Variants in GPR180 observed in about 807,000 individuals in gnomAD.
GPR180 encodes G protein-coupled receptor 180.
Under a neutral mutation model 52.6 loss-of-function variants are expected in GPR180, and 53 were observed. The observed-to-expected ratio is 1.01, with a 90% CI of 0.81 to 1.27. GPR180 has a LOEUF of 1.27. GPR180 is among the 50% of genes most tolerant of loss of function. The probability of loss-of-function intolerance (pLI) is 0.00; values close to 1 mark genes in which losing one functional copy is unlikely to be tolerated. For synonymous variants in GPR180, 200 were observed against 193.1 expected, an observed-to-expected ratio of 1.04 and a Z score of -0.30; for missense variants, 533 against 527.0, an observed-to-expected ratio of 1.01 and a Z score of -0.11.
intron 3 of GPR180, 58 bp downstream of exon 3, chr13:94,612,448 A>T (rs778613375): frequency 8.1e-5 from 101 of 1,244,962 alleles, no homozygotes; most frequent in Non-Finnish European, 1.1e-4. Context: ...GTACAAATAT[A>T]TTCATGTTGT....
At chr13:94,625,315 T>G (rs1162940840) in intron 7 of GPR180, among the ~76,000 whole-genome samples, 1 of 152,194 alleles carries the variant, frequency 6.6e-6, no homozygotes, top group East Asian at 1.9e-4. Context: ...TTCCTTTCAT[T>G]TTTATACAAA....
intron 7 of GPR180, among the ~76,000 whole-genome samples, chr13:94,624,305 C>G (rs945278772): frequency 6.6e-6 from 1 of 152,192 alleles, no homozygotes; most frequent in African/African-American, 2.4e-5. Context: ...TTCAGGCAGC[C>G]CACCTTGTCC....
chr13:94,616,868 A>T (rs549243142), intron 3 of GPR180, among the ~76,000 whole-genome samples: 3 of 152,230 alleles, frequency 2.0e-5, no homozygotes. Context: ...GTTTAAAAGA[A>T]CACTGAGTGC....
intron 2 of GPR180, among the ~76,000 whole-genome samples, chr13:94,609,445 T>C (rs1320427033): frequency 1.3e-5 from 2 of 152,196 alleles, no homozygotes; most frequent in Non-Finnish European, 2.9e-5. Context: ...GGTATCACTT[T>C]ATGAAGCATA....
At chr13:94,612,094 TAA>T (rs964137389) in intron 2 of GPR180, 94 bp from the exon 3 acceptor site, 2 of 925,810 alleles carry the variant, frequency 2.2e-6, no homozygotes, top group African/African-American at 1.7e-5. Flanking sequence ...CAATAAAAAT[TAA>T]AAGATTGTCC....
Position 94,612,341 on chromosome 13 carries a change from C to T in GPR180, c.456C>T (p.Asn152=). ...TCCCATTTGAAATGGTGTTACTAAACCCAGATGCCGAAGGGAATCCATTTG... is the reference window on the plus strand; with the variant it reads ...TCCCATTTGAAATGGTGTTACTAAATCCAGATGCCGAAGGGAATCCATTTG... ...EDIPFEMVLL[N]PDAEGNPFDH... The change falls in exon 3 of 9, where the codon AAC becomes AAT. Residue 152 remains asparagine (N), a synonymous_variant. Coordinates refer to ENST00000376958, the MANE Select transcript of GPR180 (RefSeq NM_180989.6). The T allele has an allele frequency of 1.2e-6, 2 of 1,613,630 alleles. No homozygotes were observed. The highest frequency in any genetic ancestry group is 1.7e-6 in the Non-Finnish European group (2 of 1,179,600).
chr13:94,623,290 C>T lies in GPR180; in HGVS notation c.1076C>T (p.Thr359Ile). 6.2e-7 allele frequency: 1 copy of T among 1,610,842 alleles called. No individual in the cohort carries two copies. Among genetic ancestry groups the T allele is most frequent in the Non-Finnish European group, 8.5e-7 (1 of 1,178,040 alleles). Residue 359 changes from threonine to isoleucine, a missense_variant, in exon 7 of 9, where the codon ACA becomes ATA. Transcript: ENST00000376958. ...RSTLKREFYI[T>I]FAKGCILWFL... is the part of the protein sequence containing the mutation. ...ACACTCAAAAGGGAGTTCTACATCA[C>T]ATTTGCCAAAGTATGGGTTTGGAAA...
intron 1 of GPR180, among the ~76,000 whole-genome samples, chr13:94,603,055 T>C (rs970524609): frequency 6.7e-6 from 1 of 149,868 alleles, no homozygotes; most frequent in Non-Finnish European, 1.5e-5. Context: ...AATTACAGAA[T>C]TGACAGAATA....
intron 5 of GPR180, among the ~76,000 whole-genome samples, chr13:94,620,701 C>T (rs1351938393): frequency 1.3e-5 from 2 of 152,006 alleles, no homozygotes; most frequent in African/African-American, 4.8e-5. Flanking sequence ...TTGCAGAAAT[C>T]GTATTTAGAA....
chr13:94,627,466 T>C lies in GPR180; in HGVS notation c.*295T>C. 2.9e-6 allele frequency: 1 copy of C among 340,556 alleles called. No individual in the cohort carries two copies. Among genetic ancestry groups the C allele is most frequent in the East Asian group, 7.8e-5 (1 of 12,854 alleles). 21.1% of individuals were successfully genotyped at this position (340,556 alleles called of 1,614,324 possible). A position where few individuals can be genotyped will look rare whatever the true frequency, so the allele number is the denominator to read the frequency against. ...ATAACTATGATATTTTGGTAAAATA[T>C]TCACCACTTATAATGCCTCATCTTA... On this transcript the variant is annotated 3_prime_UTR_variant, in exon 9 of 9. Transcript: ENST00000376958.
chr13:94,618,699 G>T (rs1319475435), intron 3 of GPR180, among the ~76,000 whole-genome samples: 7 of 152,054 alleles, frequency 4.6e-5, no homozygotes, highest in Non-Finnish European at 1.5e-5. Context: ...TGGTGATGCT[G>T]CTGGGCAAGA....
At chr13:94,604,666 C>T (rs1007210762) in intron 1 of GPR180, among the ~76,000 whole-genome samples, 1 of 152,088 alleles carries the variant, frequency 6.6e-6, no homozygotes, top group Non-Finnish European at 1.5e-5. Flanking sequence ...GCCTCAGACT[C>T]CTAGGCTAAA....
At chr13:94,616,277 G>T (rs1031018918) in intron 3 of GPR180, among the ~76,000 whole-genome samples, 2 of 152,180 alleles carry the variant, frequency 1.3e-5, no homozygotes. Flanking sequence ...TGTCAAAAGG[G>T]TTAGGTTTAC....
At chr13:94,612,862 G>A (rs1426036940) in intron 3 of GPR180, among the ~76,000 whole-genome samples, 1 of 142,972 alleles carries the variant, frequency 7.0e-6, no homozygotes, top group Non-Finnish European at 1.5e-5. Context: ...CTTTGTATGG[G>A]TAACTCTGTA....
chr13:94,625,955 C>T lies in GPR180; in HGVS notation c.1087-11C>T, dbSNP rs764686227. The stretch of plus-strand genomic sequence containing the variant: ...ACAGTTCTACTTATTTCACTTTTTC[C>T]TTTGTTTCAGGGCTGTATCTTGTGG... On this transcript the variant is annotated splice_polypyrimidine_tract_variant and intron_variant, in intron 7 of 8. Transcript: ENST00000376958. The T allele has an allele frequency of 2.6e-5, 41 of 1,602,826 alleles. No individual in the cohort carries two copies. Among genetic ancestry groups the T allele is most frequent in the Non-Finnish European group, 3.3e-5 (39 of 1,173,026 alleles).
intron 7 of GPR180, among the ~76,000 whole-genome samples, chr13:94,624,477 T>C (rs183050393): frequency 6.6e-6 from 1 of 152,330 alleles, no homozygotes; most frequent in East Asian, 1.9e-4. Flanking sequence ...CTTTGAGTTT[T>C]TCAGAGGGAC....
At chr13:94,606,565 T>C (rs1484674250) in intron 2 of GPR180, among the ~76,000 whole-genome samples, 1 of 152,236 alleles carries the variant, frequency 6.6e-6, no homozygotes, top group Admixed American at 6.5e-5. Flanking sequence ...ATTTGAAGCA[T>C]CCATGAGGAA....
At chr13:94,623,989 T>C (rs1392275492) in intron 7 of GPR180, among the ~76,000 whole-genome samples, 2 of 152,160 alleles carry the variant, frequency 1.3e-5, no homozygotes, top group African/African-American at 4.8e-5. Context: ...TTATGCAGTG[T>C]TTTATAACAG....
chr13:94,616,411 C>T (rs1009419544), intron 3 of GPR180, among the ~76,000 whole-genome samples: 8 of 152,200 alleles, frequency 5.3e-5, no homozygotes, highest in African/African-American at 1.4e-4. Context: ...GCGGGAATGT[C>T]TGTTCCAGGT....
Sources: gnomAD v4.1 joint callset for allele counts (sites outside exome capture counted in the v4.1 genomes callset) on GRCh38, gnomAD v4.1.1 for gene constraint, MANE v1.5 for transcripts, NCBI Gene and HGNC (gene_info 2026-07-23, HGNC 2026-07-21) for gene names.